TLK1: variants seen among roughly 807,000 people sequenced by gnomAD.
TLK1 encodes tousled like kinase 1, also known as serine/threonine-protein kinase tousled-like 1.
In TLK1, 24 loss-of-function variants were observed where a neutral mutation model predicts 105.3. The observed-to-expected ratio is 0.23, with a 90% confidence interval of 0.17 to 0.32. The LOEUF (loss-of-function observed/expected upper bound fraction) is 0.32, where lower values mean the gene tolerates loss of function less well. Among genes scored for constraint, TLK1 ranks in the 10% least tolerant of loss-of-function variants. The pLI, the probability that TLK1 is intolerant of heterozygous loss-of-function variation, is 1.00. For missense variants in TLK1, 558 were observed against 910.5 expected (o/e 0.61, Z 4.98); for synonymous variants, 321 against 310.4 (o/e 1.03, Z -0.36).
intron 10 of TLK1, 39 bp from the exon 11 acceptor site, chr2:171,046,401 CA>C (rs1442951776): frequency 2.0e-5 from 30 of 1,507,182 alleles, no homozygotes; most frequent in Non-Finnish European, 2.5e-5. Context: ...ATTAACCTTC[CA>C]TTACTTTTCA....
intron 2 of TLK1, among the ~76,000 whole-genome samples, chr2:171,090,669 C>G (rs745852208): frequency 6.6e-6 from 1 of 152,128 alleles, no homozygotes; most frequent in Non-Finnish European, 1.5e-5. Flanking sequence ...TCTTTGGAGA[C>G]TAAAGCTGGT....
intron 18 of TLK1, 26 bp downstream of exon 18, chr2:171,006,121 T>G: frequency 1.3e-6 from 2 of 1,530,204 alleles, no homozygotes; most frequent in African/African-American, 1.4e-5. Context: ...ATCTAGACAT[T>G]CTGATGTTTT....
At chr2:171,110,300 C>T (rs1408123554) in intron 2 of TLK1, among the ~76,000 whole-genome samples, 1 of 152,142 alleles carries the variant, frequency 6.6e-6, no homozygotes, top group Non-Finnish European at 1.5e-5. Context: ...GAAACCCCTT[C>T]ACTACTAAAA....
At chr2:171,219,488 G>C (rs543009759) in intron 1 of TLK1, among the ~76,000 whole-genome samples, 1 of 152,280 alleles carries the variant, frequency 6.6e-6, no homozygotes, top group South Asian at 2.1e-4. Flanking sequence ...CAGCATTAGG[G>C]TGACAGCATG....
Position 171,160,466 on chromosome 2 carries a change from C to T in TLK1, c.-38G>A, listed in dbSNP as rs772717376. 12 of 1,573,798 alleles carry T rather than the reference C, an allele frequency of 7.6e-6. 1 individual carries two copies. Among genetic ancestry groups the T allele is most frequent in the Middle Eastern group, 2.2e-4 (1 of 4,618 alleles). ...TGGGAACCCGACTCCCCCCCTGCGACGGCAGCGGCGGCAACGGCACCGGCA... is the reference window on the plus strand; with the variant it reads ...TGGGAACCCGACTCCCCCCCTGCGATGGCAGCGGCGGCAACGGCACCGGCA... On this transcript the variant is annotated 5_prime_UTR_variant, in exon 1 of 21. Transcript: ENST00000431350. The surrounding 1 kb of genome is among the most constrained non-coding windows in gnomAD (Gnocchi z 4.4).
rs565735445 is a variant in TLK1 at position 171,160,530 on chromosome 2, C to G, written c.-102G>C. 14 of 1,511,194 alleles carry G rather than the reference C, an allele frequency of 9.3e-6. No individual in the cohort carries two copies. In the East Asian group the frequency reaches 3.8e-4, roughly 40 times the overall value. 93.6% of individuals were successfully genotyped at this position (1,511,194 alleles called of 1,614,324 possible). A position where few individuals can be genotyped will look rare whatever the true frequency, so the allele number is the denominator to read the frequency against. On this transcript the variant is annotated 5_prime_UTR_variant, in exon 1 of 21. Transcript: ENST00000431350. This position sits in a 1 kb window ranked among gnomAD's most constrained non-coding sequence, Gnocchi z 4.4. ...TGGCGGGGGCCGCGCTGAGGGCGAG[C>G]GAGAGAGCGAGGGCTGGGAGGGGAG...
chr2:171,164,635 A>G (rs985615267), upstream of TLK1, among the ~76,000 whole-genome samples: 3 of 152,230 alleles, frequency 2.0e-5, no homozygotes, highest in African/African-American at 7.2e-5. Context: ...TATTCAGAAA[A>G]AGTTCAATAA....
chr2:171,102,712 T>C (rs1348248202), intron 2 of TLK1, among the ~76,000 whole-genome samples: 3 of 152,204 alleles, frequency 2.0e-5, no homozygotes, highest in Non-Finnish European at 4.4e-5. Context: ...AAAACGTCTA[T>C]CATTATACCA....
At chr2:171,036,642 T>C (rs947619515) in intron 11 of TLK1, among the ~76,000 whole-genome samples, 2 of 152,262 alleles carry the variant, frequency 1.3e-5, no homozygotes, top group Non-Finnish European at 2.9e-5. Context: ...ATCAGATACC[T>C]GGTTCCTCCA....
intron 10 of TLK1, among the ~76,000 whole-genome samples, chr2:171,048,385 C>A (rs1687062143): frequency 2.0e-5 from 3 of 152,202 alleles, no homozygotes; most frequent in African/African-American, 7.2e-5. Flanking sequence ...AGCAGAGCCT[C>A]TTGCTCATAA....
chr2:170,994,309 AG>A (rs1273561937), intron 20 of TLK1, among the ~76,000 whole-genome samples: 3 of 152,256 alleles, frequency 2.0e-5, no homozygotes, highest in South Asian at 2.1e-4. Context: ...ACTTCAGTTT[AG>A]CAAAGGGTAA....
intron 2 of TLK1, among the ~76,000 whole-genome samples, chr2:171,109,648 C>T (rs1411295745): frequency 6.6e-6 from 1 of 152,124 alleles, no homozygotes; most frequent in East Asian, 1.9e-4. Context: ...TAAGTATCTT[C>T]CCAAGAGAAA....
At chr2:171,211,193 G>A (rs1280370548) in intron 1 of TLK1, among the ~76,000 whole-genome samples, 2 of 152,196 alleles carry the variant, frequency 1.3e-5, no homozygotes, top group African/African-American at 4.8e-5. Flanking sequence ...GTTAGTGCCT[G>A]TAACACAGTT....
upstream of TLK1, among the ~76,000 whole-genome samples, chr2:171,163,546 C>T (rs1265891005): frequency 6.6e-6 from 1 of 152,118 alleles, no homozygotes; most frequent in East Asian, 1.9e-4. Context: ...ATTCAATTTC[C>T]TCATCTACGA....
At chr2:171,170,525 CA>C (rs759098655) in intron 1 of TLK1, among the ~76,000 whole-genome samples, 52 of 152,152 alleles carry the variant, frequency 3.4e-4, no homozygotes, top group Non-Finnish European at 8.8e-5. Flanking sequence ...GGAATGTAAG[CA>C]GACATCTGGT....
intron 1 of TLK1, among the ~76,000 whole-genome samples, chr2:171,196,718 T>C (rs1229431130): frequency 6.6e-6 from 1 of 152,124 alleles, no homozygotes; most frequent in African/African-American, 2.4e-5. Context: ...AAAAATGGTA[T>C]GGTATCTGAA....
At chr2:171,024,492 C>G (rs1265821786) in intron 12 of TLK1, among the ~76,000 whole-genome samples, 1 of 152,042 alleles carries the variant, frequency 6.6e-6, no homozygotes, top group African/African-American at 2.4e-5. Flanking sequence ...CACGTTCATC[C>G]CGCCACACAC....
At position 171,046,215 on chromosome 2, in the gene TLK1, T is replaced by C. The variant is rs758446074; in HGVS notation, c.1128A>G (p.Gly376=). The change falls in exon 11 of 21, where the codon GGA becomes GGG. Residue 376 remains glycine (G), a synonymous_variant. Transcript: ENST00000431350. ...GTCTAACAAAGGGATCATTCTCTGC[T>C]CCATTGACTGCTTTGTTTTTCCTTT... ...PKQRKNKAVN[G]AENDPFVRPN... The C allele has an allele frequency of 2.5e-6, 4 of 1,610,738 alleles. No homozygotes were observed. The highest frequency in any genetic ancestry group is 3.4e-6 in the Non-Finnish European group (4 of 1,178,972).
At chr2:171,165,072 G>C (rs1692581995), upstream of TLK1, among the ~76,000 whole-genome samples, 1 of 152,226 alleles carries the variant, frequency 6.6e-6, no homozygotes, top group Non-Finnish European at 1.5e-5. Context: ...CCACTCTGTA[G>C]GGAAGAAGAA....
Sources: gnomAD v4.1 joint callset for allele counts (sites outside exome capture counted in the v4.1 genomes callset) on GRCh38, gnomAD v4.1.1 for gene constraint, Gnocchi (gnomAD v3.1) non-coding constraint, MANE v1.5 for transcripts, NCBI Gene and HGNC (gene_info 2026-07-23, HGNC 2026-07-21) for gene names.